RALGPS1: variants seen among roughly 807,000 people sequenced by gnomAD.
The protein encoded by RALGPS1 is Ral GEF with PH domain and SH3 binding motif 1, also known as ras-specific guanine nucleotide-releasing factor RalGPS1.
Under a neutral mutation model 78.8 loss-of-function variants are expected in RALGPS1, and 19 were observed. The ratio of observed to expected loss-of-function variants is 0.24; its 90% CI spans 0.17 to 0.35. The LOEUF is 0.35. Ranked by LOEUF, RALGPS1 falls within the 10% of genes least tolerant of loss-of-function variation. The probability of loss-of-function intolerance (pLI) is 1.00; values close to 1 mark genes in which losing one functional copy is unlikely to be tolerated. For synonymous variants in RALGPS1, 228 were observed against 256.3 expected, an observed-to-expected ratio of 0.89 and a Z score of 1.06; for missense variants, 454 against 688.3, an observed-to-expected ratio of 0.66 and a Z score of 3.81.
chr9:127,073,445 A>AT, intron 8 of RALGPS1, among the ~76,000 whole-genome samples: 1 of 84,668 alleles, frequency 1.2e-5, no homozygotes, highest in Non-Finnish European at 2.7e-5. Context: ...GTAGTACACC[A>AT]TTGTGTGTGT....
chr9:127,070,863 T>C (rs540247666), intron 8 of RALGPS1, among the ~76,000 whole-genome samples: 2 of 151,968 alleles, frequency 1.3e-5, no homozygotes, highest in South Asian at 2.1e-4. Flanking sequence ...TTCTTTCTTT[T>C]AATTAAAAAT....
intron 4 of RALGPS1, among the ~76,000 whole-genome samples, chr9:127,020,758 G>T (rs1281090098): frequency 1.3e-5 from 2 of 152,220 alleles, no homozygotes; most frequent in Non-Finnish European, 2.9e-5. Flanking sequence ...ACCGGCCATG[G>T]ATGTGCTCTG....
intron 8 of RALGPS1, chr9:127,108,458 G>A (rs2054473365): frequency 1.2e-6 from 2 of 1,611,394 alleles, no homozygotes; most frequent in Non-Finnish European, 8.5e-7. Context: ...TCATTGTTGA[G>A]CAGCTCTAGC....
intron 4 of RALGPS1, among the ~76,000 whole-genome samples, chr9:127,001,368 A>T (rs2043294283): frequency 6.6e-6 from 1 of 151,450 alleles, no homozygotes; most frequent in Admixed American, 6.6e-5. Flanking sequence ...TTAATTGAGC[A>T]CACTTCATGA....
At chr9:127,068,436 A>G (rs1158920414) in intron 7 of RALGPS1, among the ~76,000 whole-genome samples, 4 of 152,102 alleles carry the variant, frequency 2.6e-5, no homozygotes, top group Non-Finnish European at 4.4e-5. Context: ...CTGCTTTTCT[A>G]CCTCAGCACC....
intron 4 of RALGPS1, among the ~76,000 whole-genome samples, chr9:127,017,874 A>C (rs1370834515): frequency 6.6e-6 from 1 of 152,106 alleles, no homozygotes; most frequent in Non-Finnish European, 1.5e-5. Flanking sequence ...GTCCCACTGG[A>C]AGGTTTTCAG....
chr9:126,992,230 C>T (rs1440424126), intron 4 of RALGPS1, among the ~76,000 whole-genome samples: 1 of 152,142 alleles, frequency 6.6e-6, no homozygotes, highest in Non-Finnish European at 1.5e-5. Flanking sequence ...AAGAATTGGA[C>T]ATGAGGACAG....
At chr9:127,073,551 A>T (rs2050405585) in intron 8 of RALGPS1, among the ~76,000 whole-genome samples, 1 of 151,508 alleles carries the variant, frequency 6.6e-6, no homozygotes, top group African/African-American at 2.4e-5. Flanking sequence ...ATCTTGGGTA[A>T]GGTGAATACT....
chr9:127,013,182 G>A (rs1334425268), intron 4 of RALGPS1, among the ~76,000 whole-genome samples: 2 of 152,202 alleles, frequency 1.3e-5, no homozygotes, highest in African/African-American at 4.8e-5. Context: ...ACAGGGACCA[G>A]TGAGCAGATT....
At position 127,039,754 on chromosome 9, in the gene RALGPS1, T is replaced by C. The variant is rs1390388886; in HGVS notation, c.300+5240T>C. Reference sequence around the variant, plus strand: ...TGTAGGTGCAATACAAGGAGAGTGATGGCTTTTCTTCGTCAGTGAAATGGG... The same window carrying C: ...TGTAGGTGCAATACAAGGAGAGTGACGGCTTTTCTTCGTCAGTGAAATGGG... On this transcript the variant is annotated intron_variant, in intron 5 of 18. Transcript: ENST00000259351. 2.6e-5 allele frequency among the ~76,000 whole-genome samples: 4 copies of C among 151,894 alleles called. No homozygotes were observed. The East Asian group carries it at 7.7e-4, about 29-fold the overall frequency.
At chr9:126,927,973 C>T (rs548464) in intron 1 of RALGPS1, among the ~76,000 whole-genome samples, 88,850 of 152,070 alleles carry the variant, frequency 0.58, 30,070 homozygotes, top group East Asian at 0.81. Context: ...AAGCCTGTTA[C>T]AGAATTTCTG....
At chr9:127,072,655 G>C (rs775871010) in intron 8 of RALGPS1, among the ~76,000 whole-genome samples, 1 of 152,158 alleles carries the variant, frequency 6.6e-6, no homozygotes, top group South Asian at 2.1e-4. Context: ...GGAAAAGAAG[G>C]TGTAATGTCT....
At chr9:127,150,227 C>T (rs1109042) in intron 8 of RALGPS1, among the ~76,000 whole-genome samples, 13,436 of 152,214 alleles carry the variant, frequency 0.088, 1,761 homozygotes, top group African/African-American at 0.29. Context: ...CCCATTCTCC[C>T]ACCCCATGCT....
chr9:127,028,491 C>G (rs2046149271), intron 4 of RALGPS1, among the ~76,000 whole-genome samples: 1 of 152,210 alleles, frequency 6.6e-6, no homozygotes, highest in Admixed American at 6.5e-5. Flanking sequence ...AACGTAGGTG[C>G]TCAATAAATC....
intron 1 of RALGPS1, among the ~76,000 whole-genome samples, chr9:126,939,815 C>T (rs1302466958): frequency 6.6e-6 from 1 of 152,186 alleles, no homozygotes; most frequent in Non-Finnish European, 1.5e-5. Context: ...GAGTGACAAG[C>T]GTTGCGGAGG....
At chr9:126,990,620 C>T (rs12346918) in intron 4 of RALGPS1, among the ~76,000 whole-genome samples, 9,801 of 152,312 alleles carry the variant, frequency 0.064, 1,018 homozygotes, top group African/African-American at 0.22. Flanking sequence ...GAATGCTCTG[C>T]TCTGCCTCCG....
chr9:127,198,399 GAA>G (rs2061451346), intron 13 of RALGPS1, among the ~76,000 whole-genome samples: 1 of 152,192 alleles, frequency 6.6e-6, no homozygotes, highest in African/African-American at 2.4e-5. Flanking sequence ...GGTGAGAGGA[GAA>G]AATCTCTCCT....
chr9:127,220,374 C>G lies in RALGPS1; in HGVS notation c.*1605C>G, dbSNP rs1365307713. ...CTGTATTTTGACCAAATAATGACAA[C>G]TTCTTTAGAAATTTGAATGGCTTGG... On this transcript the variant is annotated 3_prime_UTR_variant, in exon 19 of 19. Transcript: ENST00000259351. 1 of 152,220 alleles carries G rather than the reference C, an allele frequency of 6.6e-6. No homozygotes were observed. Among genetic ancestry groups the G allele is most frequent in the African/African-American group, 2.4e-5 (1 of 41,454 alleles). The allele number at this position is 152,220 out of a possible 1,614,324, so 9.4% of individuals were successfully genotyped here.
chr9:127,106,512 A>G (rs2054228154), intron 8 of RALGPS1, among the ~76,000 whole-genome samples: 1 of 152,212 alleles, frequency 6.6e-6, no homozygotes, highest in Admixed American at 6.5e-5. Flanking sequence ...CACTATTTTA[A>G]TCTATCCTCA....
Sources: allele counts gnomAD v4.1 joint callset (sites outside exome capture counted in the v4.1 genomes callset), GRCh38; gene constraint gnomAD v4.1.1; transcripts MANE v1.5; gene names NCBI Gene and HGNC (gene_info 2026-07-23, HGNC 2026-07-21).